The following DERA variants were observed in gnomAD, a reference collection of about 807,000 sequenced individuals.
DERA encodes the protein 2-deoxy-D-ribose 5-phosphate aldolase.
In DERA, 15 loss-of-function variants were observed where a neutral mutation model predicts 41.1. The ratio of observed to expected loss-of-function variants is 0.37; its 90% confidence interval spans 0.24 to 0.56. The LOEUF is 0.56. DERA is among the 20% of genes least tolerant of loss of function. The probability of loss-of-function intolerance (pLI) is 0.81; values close to 1 mark genes in which losing one functional copy is unlikely to be tolerated. For synonymous variants in DERA, 139 were observed against 137.4 expected (o/e 1.01, Z -0.08); for missense variants, 396 against 403.4 (o/e 0.98, Z 0.16).
Position 15,954,029 on chromosome 12 carries a change from G to A in DERA, c.32-2907G>A, listed in dbSNP as rs1948518731. Among the ~76,000 whole-genome samples, 1 of 152,196 alleles carries A rather than the reference G, an allele frequency of 6.6e-6. No homozygotes were observed. The highest frequency in any genetic ancestry group is 1.5e-5 in the Non-Finnish European group (1 of 68,040). On this transcript the variant is annotated intron_variant, in intron 1 of 8. Transcript: ENST00000428559. This position sits in a 1 kb window ranked among gnomAD's most constrained non-coding sequence, Gnocchi z 4.0. ...AGAAGAAATCCTATTACATTCTCCA[G>A]TAGATGGTTTGCAGGGACCTCTGGC...
At chr12:15,968,789 G>A (rs899048698) in intron 5 of DERA, among the ~76,000 whole-genome samples, 1 of 152,208 alleles carries the variant, frequency 6.6e-6, no homozygotes, top group Non-Finnish European at 1.5e-5. Flanking sequence ...GCCAGCTGCA[G>A]TGTTGCCTTC....
rs1948620285 is a variant in DERA at position 15,966,044 on chromosome 12, T to A, written c.508+3097T>A. On this transcript the variant is annotated intron_variant, in intron 5 of 8. Transcript: ENST00000428559. The surrounding 1 kb of genome is among the most constrained non-coding windows in gnomAD (Gnocchi z 5.1). ...ACATGCTGGCTTTCCTTTTCCTTCA[T>A]CCCCAGCAACGTCCTCCTTTCTTCT... Among the ~76,000 whole-genome samples the A allele has an allele frequency of 6.6e-6, 1 of 152,152 alleles. No individual in the cohort carries two copies. Among genetic ancestry groups the A allele is most frequent in the Admixed American group, 6.5e-5 (1 of 15,272 alleles).
chr12:15,968,203 A>G (rs542606212), intron 5 of DERA, among the ~76,000 whole-genome samples: 2 of 152,028 alleles, frequency 1.3e-5, no homozygotes, highest in African/African-American at 4.8e-5. Context: ...CATTGAATAC[A>G]TTTATATATT....
At chr12:15,947,204 C>G (rs186589533) in intron 1 of DERA, among the ~76,000 whole-genome samples, 2 of 152,242 alleles carry the variant, frequency 1.3e-5, no homozygotes, top group Non-Finnish European at 2.9e-5. Flanking sequence ...GTGGAGAGTT[C>G]TGTAGATGTC....
rs1041931850 is a variant in DERA at position 16,026,055 on chromosome 12, G to T, written c.638-6487G>T. Among the ~76,000 whole-genome samples the T allele has an allele frequency of 6.6e-6, 1 of 152,038 alleles. No homozygotes were observed. Among genetic ancestry groups the T allele is most frequent in the African/African-American group, 2.4e-5 (1 of 41,400 alleles). ...TAGGATGTTCCAAAAGCAGTGCTTA[G>T]AAAGAAATGTATGGCATTAGATGCA... On this transcript the variant is annotated intron_variant, in intron 6 of 8. Transcript: ENST00000428559. The surrounding 1 kb of genome is among the most constrained non-coding windows in gnomAD (Gnocchi z 4.4).
In DERA at chr12:16,009,835, T is replaced by C. The variant is rs1027962126; in HGVS notation, c.638-22707T>C. Among the ~76,000 whole-genome samples, 1 of 152,180 alleles carries C rather than the reference T, an allele frequency of 6.6e-6. No homozygotes were observed. The highest frequency in any genetic ancestry group is 1.5e-5 in the Non-Finnish European group (1 of 68,040). The stretch of plus-strand genomic sequence containing the variant: ...CAGGAAGTATTAAAGATATTAAATA[T>C]GTATCAAAAATTTAAAATGCAGGTT... On this transcript the variant is annotated intron_variant, in intron 6 of 8. Coordinates refer to ENST00000428559, the MANE Select transcript of DERA (RefSeq NM_015954.4). This position sits in a 1 kb window ranked among gnomAD's most constrained non-coding sequence, Gnocchi z 5.3.
In DERA at chr12:15,967,530, T is replaced by C. The variant is rs1415678261; in HGVS notation, c.508+4583T>C. Among the ~76,000 whole-genome samples, 1 of 152,248 alleles carries C rather than the reference T, an allele frequency of 6.6e-6. No homozygotes were observed. The highest frequency in any genetic ancestry group is 1.5e-5 in the Non-Finnish European group (1 of 68,042). ...TAATTTTTTCTTGATTATTCCAAACTGTTTCATTACTGATTATATTATCCC... is the reference window on the plus strand; with the variant it reads ...TAATTTTTTCTTGATTATTCCAAACCGTTTCATTACTGATTATATTATCCC... On this transcript the variant is annotated intron_variant, in intron 5 of 8. Coordinates refer to ENST00000428559, the MANE Select transcript of DERA (RefSeq NM_015954.4). This position sits in a 1 kb window ranked among gnomAD's most constrained non-coding sequence, Gnocchi z 4.9.
At position 15,935,823 on chromosome 12, in the gene DERA, G is replaced by A. The variant is rs1474097150; in HGVS notation, c.32-21113G>A. On this transcript the variant is annotated intron_variant, in intron 1 of 8. Coordinates refer to ENST00000428559, the MANE Select transcript of DERA (RefSeq NM_015954.4). The surrounding 1 kb of genome is among the most constrained non-coding windows in gnomAD (Gnocchi z 4.8). ...CAACATTTCTCTGGGTCAAAAATTT[G>A]AGAATGGCTTAGCTGGGTGGTTCTG... Among the ~76,000 whole-genome samples, 2 of 152,146 alleles carry A rather than the reference G, an allele frequency of 1.3e-5. No individual in the cohort carries two copies. The highest frequency in any genetic ancestry group is 2.9e-5 in the Non-Finnish European group (2 of 68,028).
At chr12:16,025,633 C>T (rs1188320264) in intron 6 of DERA, among the ~76,000 whole-genome samples, 2 of 152,056 alleles carry the variant, frequency 1.3e-5, no homozygotes, top group Non-Finnish European at 2.9e-5. Context: ...CTCTTTTAGT[C>T]ACTGATGGCT....
Position 15,913,310 on chromosome 12 carries a change from A to T in DERA, c.31+1896A>T, listed in dbSNP as rs1159598391. Among the ~76,000 whole-genome samples, 1 of 152,212 alleles carries T rather than the reference A, an allele frequency of 6.6e-6. No homozygotes were observed. Among genetic ancestry groups the T allele is most frequent in the East Asian group, 1.9e-4 (1 of 5,198 alleles). ...TTGTATTTATTATCTTATTTGTTAA[A>T]ATCAGATTTTTTTCCTTCACGGGTA... On this transcript the variant is annotated intron_variant, in intron 1 of 8. Transcript: ENST00000428559. The surrounding 1 kb of genome is among the most constrained non-coding windows in gnomAD (Gnocchi z 4.5).
chr12:15,991,774 A>C (rs1314232080), intron 6 of DERA, among the ~76,000 whole-genome samples: 3 of 152,146 alleles, frequency 2.0e-5, no homozygotes, highest in Non-Finnish European at 4.4e-5. Flanking sequence ...ACATGATACA[A>C]TTAGAATATT....
Position 16,002,143 on chromosome 12 carries a change from C to CAT in DERA, c.637+19707_637+19708insAT, listed in dbSNP as rs1948879902. ...ATGCTATCCCTCCCCCCTCCCCCTT[C>CAT]CCCACAACAGCCCTGGTGTGTGATG... On this transcript the variant is annotated intron_variant, in intron 6 of 8. Coordinates refer to ENST00000428559, the MANE Select transcript of DERA (RefSeq NM_015954.4). Among the ~76,000 whole-genome samples, 3 of 134,466 alleles carry CAT rather than the reference C, an allele frequency of 2.2e-5. No individual in the cohort carries two copies. In the South Asian group the frequency reaches 8.4e-4, roughly 38 times the overall value. 88.2% of individuals were successfully genotyped at this position (134,466 alleles called of 152,430 possible).
In DERA at chr12:16,004,272, A is replaced by G. The variant is rs1948894829; in HGVS notation, c.637+21836A>G. 6.6e-6 allele frequency among the ~76,000 whole-genome samples: 1 copy of G among 152,232 alleles called. No individual in the cohort carries two copies. The highest frequency in any genetic ancestry group is 2.4e-5 in the African/African-American group (1 of 41,458). ...GAATGTACAGCCAAGTATTCAAAAT[A>G]TAAATAGATGCAGAGAAAAAATCAA... is the stretch of plus-strand genomic sequence containing the variant. On this transcript the variant is annotated intron_variant, in intron 6 of 8. Coordinates refer to ENST00000428559, the MANE Select transcript of DERA (RefSeq NM_015954.4). This position sits in a 1 kb window ranked among gnomAD's most constrained non-coding sequence, Gnocchi z 4.2.
chr12:15,955,391 A>C (rs1284610932), intron 1 of DERA, among the ~76,000 whole-genome samples: 2 of 152,020 alleles, frequency 1.3e-5, no homozygotes, highest in Middle Eastern at 3.4e-3. Context: ...GTCTGGTCTG[A>C]TTTTCTCGGG....
chr12:15,942,447 C>A (rs1197701966), intron 1 of DERA, among the ~76,000 whole-genome samples: 2 of 152,146 alleles, frequency 1.3e-5, no homozygotes. Flanking sequence ...AAGCTAACAT[C>A]CAGAAGAGTT....
At position 16,014,338 on chromosome 12, in the gene DERA, T is replaced by A. The variant is rs1177864979; in HGVS notation, c.638-18204T>A. Among the ~76,000 whole-genome samples, 1 of 152,204 alleles carries A rather than the reference T, an allele frequency of 6.6e-6. No individual in the cohort carries two copies. The highest frequency in any genetic ancestry group is 1.5e-5 in the Non-Finnish European group (1 of 68,032). Reference sequence around the variant, plus strand: ...GGTCTAGAAGGAAAACATGGTTTTGTGGGCCAGGCCTAGGGCCTTGCTACT... The same window carrying A: ...GGTCTAGAAGGAAAACATGGTTTTGAGGGCCAGGCCTAGGGCCTTGCTACT... On this transcript the variant is annotated intron_variant, in intron 6 of 8. Coordinates refer to ENST00000428559, the MANE Select transcript of DERA (RefSeq NM_015954.4). The surrounding 1 kb of genome is among the most constrained non-coding windows in gnomAD (Gnocchi z 5.4).
chr12:15,919,143 G>C (rs1948223390), intron 1 of DERA, among the ~76,000 whole-genome samples: 1 of 151,958 alleles, frequency 6.6e-6, no homozygotes, highest in African/African-American at 2.4e-5. Context: ...TGATGAGGCT[G>C]TCTTTTATTA....
At chr12:15,975,426 T>C (rs1335826253) in intron 5 of DERA, among the ~76,000 whole-genome samples, 1 of 152,124 alleles carries the variant, frequency 6.6e-6, no homozygotes, top group Admixed American at 6.5e-5. Flanking sequence ...CAAGCATTGA[T>C]CTTAGGAGCA....
In DERA at chr12:15,924,306, C is replaced by G. The variant is rs1045601405; in HGVS notation, c.31+12892C>G. On this transcript the variant is annotated intron_variant, in intron 1 of 8. Transcript: ENST00000428559. The surrounding 1 kb of genome is among the most constrained non-coding windows in gnomAD (Gnocchi z 5.0). The stretch of plus-strand genomic sequence containing the variant: ...GTGTGGTGGTATGCCGCTATGGTCA[C>G]AGCTACCTTGGAAACTGAGGCGGGA... 6.6e-6 allele frequency among the ~76,000 whole-genome samples: 1 copy of G among 152,160 alleles called. No homozygotes were observed. Among genetic ancestry groups the G allele is most frequent in the Non-Finnish European group, 1.5e-5 (1 of 68,036 alleles).
Sources: gnomAD v4.1 joint callset for allele counts (sites outside exome capture counted in the v4.1 genomes callset) on GRCh38, gnomAD v4.1.1 for gene constraint, Gnocchi (gnomAD v3.1) non-coding constraint, MANE v1.5 for transcripts, NCBI Gene and HGNC (gene_info 2026-07-23, HGNC 2026-07-21) for gene names.